MED13L: variants seen among roughly 807,000 people sequenced by gnomAD.
MED13L encodes mediator of RNA polymerase II transcription subunit 13-like.
Under a neutral mutation model 220.9 loss-of-function variants are expected in MED13L, and 7 were observed. The ratio of observed to expected loss-of-function variants is 0.03; its 90% CI spans 0.02 to 0.06. MED13L has a LOEUF of 0.06. Among genes scored for constraint, MED13L ranks in the 10% least tolerant of loss-of-function variants. The probability of loss-of-function intolerance (pLI) is 1.00; values close to 1 mark genes in which losing one functional copy is unlikely to be tolerated. For missense variants in MED13L, 1,965 were observed against 2,760.5 expected, an observed-to-expected ratio of 0.71 and a Z score of 6.46; for synonymous variants, 1,011 against 1,015.2, an observed-to-expected ratio of 1.00 and a Z score of 0.08.
chr12:116,119,829 AAAAAAAAAAAT>A (rs1874856352), intron 2 of MED13L, among the ~76,000 whole-genome samples: 1 of 114,798 alleles, frequency 8.7e-6, no homozygotes, highest in South Asian at 3.0e-4. Context: ...AAAAAAAAAA[AAAAAAAAAAAT>A]ATATATATAT....
chr12:116,130,383 A>G (rs1418029098), intron 2 of MED13L, among the ~76,000 whole-genome samples: 2 of 152,234 alleles, frequency 1.3e-5, no homozygotes, highest in East Asian at 1.9e-4. Context: ...AGGAGGGGAA[A>G]GAAAAGCTGA....
chr12:115,986,439 A>C lies in MED13L; in HGVS notation c.4165T>G (p.Tyr1389Asp). ...PLPIPTLLVG[Y>D]DKDFLTISPF... The stretch of plus-strand genomic sequence containing the variant: ...GAGATGGTGAGGAAATCCTTGTCAT[A>C]GCCTACCAGCAGAGTGGGGATGGGC... Residue 1389 changes from tyrosine to aspartate, a missense_variant, in exon 19 of 31, where the codon TAT (tyrosine) becomes GAT (aspartate). Physicochemically the swap from Tyr to Asp is radical, Grantham distance 160. Coordinates refer to ENST00000281928, the MANE Select transcript of MED13L (RefSeq NM_015335.5). The C allele has an allele frequency of 6.2e-7, 1 of 1,614,154 alleles. No homozygotes were observed. Among genetic ancestry groups the C allele is most frequent in the Non-Finnish European group, 8.5e-7 (1 of 1,180,004 alleles).
At chr12:116,041,285 G>A (rs557648286) in intron 4 of MED13L, among the ~76,000 whole-genome samples, 1 of 152,192 alleles carries the variant, frequency 6.6e-6, no homozygotes, top group Admixed American at 6.5e-5. Context: ...GCTTTGCAGT[G>A]GAAAGATGTG....
chr12:116,031,544 A>T (rs1325053671), intron 4 of MED13L, among the ~76,000 whole-genome samples: 1 of 134,584 alleles, frequency 7.4e-6, no homozygotes, highest in Non-Finnish European at 1.6e-5. Flanking sequence ...AGAAGCTGAG[A>T]TTGGGCCACT....
intron 3 of MED13L, among the ~76,000 whole-genome samples, chr12:116,109,276 T>G (rs1873880271): frequency 6.6e-6 from 1 of 151,796 alleles, no homozygotes; most frequent in Admixed American, 6.6e-5. Flanking sequence ...TCACCATGTT[T>G]CCCAGGCTGA....
At position 116,131,028 on chromosome 12, in the gene MED13L, G is replaced by A. The variant is rs1399492685; in HGVS notation, c.311-19516C>T. Among the ~76,000 whole-genome samples the A allele has an allele frequency of 1.3e-5, 2 of 152,104 alleles. 1 individual carries two copies. The highest frequency in any genetic ancestry group is 2.9e-5 in the Non-Finnish European group (2 of 68,014). On this transcript the variant is annotated intron_variant, in intron 2 of 30. Coordinates refer to ENST00000281928, the MANE Select transcript of MED13L (RefSeq NM_015335.5). ...AGCAGGTTAACATAGAAAAATACAT[G>A]TATATTTTAAAAGTATACATTGTGG...
chr12:116,224,890 G>A (rs1180005399), intron 2 of MED13L, among the ~76,000 whole-genome samples: 1 of 152,074 alleles, frequency 6.6e-6, no homozygotes, highest in Non-Finnish European at 1.5e-5. Flanking sequence ...TGTTGCCCAG[G>A]CTGGTCTCCA....
intron 3 of MED13L, among the ~76,000 whole-genome samples, chr12:116,108,164 A>G (rs1873753507): frequency 6.6e-6 from 1 of 152,072 alleles, no homozygotes; most frequent in Non-Finnish European, 1.5e-5. Flanking sequence ...CACAATATCC[A>G]CATCTTATCT....
At chr12:116,048,831 G>T (rs1165607788) in intron 4 of MED13L, among the ~76,000 whole-genome samples, 1 of 152,122 alleles carries the variant, frequency 6.6e-6, no homozygotes, top group African/African-American at 2.4e-5. Context: ...TTTAAAATCA[G>T]TGTTTTTAAT....
chr12:116,029,271 A>C (rs1880583584), intron 4 of MED13L, among the ~76,000 whole-genome samples: 1 of 150,900 alleles, frequency 6.6e-6, no homozygotes, highest in Non-Finnish European at 1.5e-5. Context: ...GGGGGAGGGA[A>C]GCATTTAAAC....
rs181867462 is a variant in MED13L, at chr12:116,258,052, A to T, written c.72+19008T>A. 1.1e-4 allele frequency among the ~76,000 whole-genome samples: 17 copies of T among 152,358 alleles called. 1 individual carries two copies. Among genetic ancestry groups the T allele is most frequent in the Admixed American group, 9.8e-4 (15 of 15,306 alleles). Reference sequence around the variant, plus strand: ...TGATTTCTACCTTAGCACTTGTACTAAATTATATGGTCTACACTGCTAATT... The same window carrying T: ...TGATTTCTACCTTAGCACTTGTACTTAATTATATGGTCTACACTGCTAATT... On this transcript the variant is annotated intron_variant, in intron 1 of 30. Coordinates refer to ENST00000281928, the MANE Select transcript of MED13L (RefSeq NM_015335.5).
At chr12:116,038,670 A>G (rs1242595309) in intron 4 of MED13L, among the ~76,000 whole-genome samples, 2 of 142,836 alleles carry the variant, frequency 1.4e-5, no homozygotes, top group East Asian at 4.5e-4. Context: ...TGTAAAACAG[A>G]TGGAAGTTCC....
At chr12:115,988,111 G>A (rs1428162111) in intron 17 of MED13L, among the ~76,000 whole-genome samples, 1 of 152,146 alleles carries the variant, frequency 6.6e-6, no homozygotes, top group Non-Finnish European at 1.5e-5. Flanking sequence ...TGAAGACTCT[G>A]CCTCCCTCTT....
intron 4 of MED13L, among the ~76,000 whole-genome samples, chr12:116,078,029 A>G (rs533798736): frequency 6.6e-6 from 1 of 151,740 alleles, no homozygotes; most frequent in South Asian, 2.1e-4. Context: ...CTGTAATCCC[A>G]GCTACTCGGG....
chr12:116,208,434 A>C (rs1882492865), intron 2 of MED13L, among the ~76,000 whole-genome samples: 1 of 152,208 alleles, frequency 6.6e-6, no homozygotes, highest in African/African-American at 2.4e-5. Flanking sequence ...ATTGAAACAC[A>C]GTTTGTTTTA....
chr12:116,033,764 A>C (rs79334560), intron 4 of MED13L, among the ~76,000 whole-genome samples: 1 of 145,562 alleles, frequency 6.9e-6, no homozygotes, highest in East Asian at 2.0e-4. Context: ...GTGTGTGTGT[A>C]TGTGTGTACA....
At chr12:116,176,266 T>C (rs1313331354) in intron 2 of MED13L, among the ~76,000 whole-genome samples, 3 of 152,202 alleles carry the variant, frequency 2.0e-5, no homozygotes, top group African/African-American at 7.2e-5. Flanking sequence ...CCATCCTTTA[T>C]ACTGTTGTTG....
intron 2 of MED13L, among the ~76,000 whole-genome samples, chr12:116,186,954 C>G (rs2138248449): frequency 6.6e-6 from 1 of 152,304 alleles, no homozygotes; most frequent in South Asian, 2.1e-4. Flanking sequence ...TTTTCTACTG[C>G]TCTCCCAAAC....
intron 4 of MED13L, among the ~76,000 whole-genome samples, chr12:116,086,971 G>A (rs865816951): frequency 3.3e-5 from 5 of 151,986 alleles, no homozygotes; most frequent in African/African-American, 4.8e-5. Context: ...ATCAGTATAC[G>A]ATATGACATT....
Sources: allele counts gnomAD v4.1 joint callset (sites outside exome capture counted in the v4.1 genomes callset), GRCh38; gene constraint gnomAD v4.1.1; transcripts MANE v1.5; gene names NCBI Gene and HGNC (gene_info 2026-07-23, HGNC 2026-07-21).